The following BABAM2 variants were observed in gnomAD, a reference collection of about 807,000 sequenced individuals.
The protein encoded by BABAM2 is BRISC and BRCA1-A complex member 2.
A neutral mutation model predicts 54.7 loss-of-function variants in BABAM2; 31 were observed. The observed-to-expected ratio is 0.57, with a 90% CI of 0.43 to 0.77. The LOEUF is 0.77. Ranked by LOEUF, BABAM2 falls within the 30% of genes least tolerant of loss-of-function variation. The pLI is 0.00. For missense variants in BABAM2, 364 were observed against 455.8 expected (o/e 0.80, Z 1.83); for synonymous variants, 167 against 162.9 (o/e 1.03, Z -0.19).
chr2:28,081,513 C>A (rs114584581), intron 6 of BABAM2, among the ~76,000 whole-genome samples: 4,469 of 152,240 alleles, frequency 0.029, 215 homozygotes, highest in African/African-American at 0.1. Flanking sequence ...TAGACATCAC[C>A]ACTGAATAAG....
At chr2:27,990,815 A>C (rs1672726989) in intron 4 of BABAM2, among the ~76,000 whole-genome samples, 1 of 152,056 alleles carries the variant, frequency 6.6e-6, no homozygotes, top group Non-Finnish European at 1.5e-5. Context: ...AATATATATA[A>C]TCTTTTATTT....
chr2:28,194,329 G>C (rs1677265401), intron 7 of BABAM2, among the ~76,000 whole-genome samples: 1 of 152,068 alleles, frequency 6.6e-6, no homozygotes, highest in African/African-American at 2.4e-5. Context: ...CCTGCTCTCA[G>C]CTCCCAGAGT....
intron 10 of BABAM2, among the ~76,000 whole-genome samples, chr2:28,247,304 G>A (rs537602236): frequency 2.6e-5 from 4 of 152,218 alleles, no homozygotes; most frequent in Admixed American, 2.0e-4. Flanking sequence ...CTAACTCACA[G>A]CCTGTCTTTA....
chr2:28,281,794 G>A (rs1686384639), intron 10 of BABAM2, among the ~76,000 whole-genome samples: 1 of 152,210 alleles, frequency 6.6e-6, no homozygotes, highest in Non-Finnish European at 1.5e-5. Context: ...CAGCGTTCTT[G>A]TCTGTGAATG....
At chr2:28,203,744 T>C (rs1416292128) in intron 7 of BABAM2, among the ~76,000 whole-genome samples, 1 of 152,222 alleles carries the variant, frequency 6.6e-6, no homozygotes, top group Non-Finnish European at 1.5e-5. Flanking sequence ...CCTTTTACAT[T>C]TAGGTTGTTG....
chr2:28,206,006 T>A (rs139423617), intron 7 of BABAM2, among the ~76,000 whole-genome samples: 1 of 152,190 alleles, frequency 6.6e-6, no homozygotes, highest in East Asian at 1.9e-4. Flanking sequence ...AAGGCTTTCG[T>A]GTAGGACTGA....
chr2:28,087,363 A>G (rs920618040), intron 6 of BABAM2, among the ~76,000 whole-genome samples: 1 of 152,160 alleles, frequency 6.6e-6, no homozygotes, highest in African/African-American at 2.4e-5. Context: ...CAACAGAACA[A>G]ACAGCTATCC....
chr2:28,237,068 C>CAT, intron 7 of BABAM2, 134 bp from the exon 8 acceptor site: 2 of 681,816 alleles, frequency 2.9e-6, no homozygotes, highest in Non-Finnish European at 5.3e-6. Flanking sequence ...AAGTGAAGCC[C>CAT]ATATACCCAT....
intron 10 of BABAM2, among the ~76,000 whole-genome samples, chr2:28,254,708 C>T (rs191951333): frequency 2.3e-4 from 35 of 150,086 alleles, no homozygotes; most frequent in Admixed American, 6.0e-4. Flanking sequence ...GTATCTCTAA[C>T]AGATAAGGAT....
chr2:28,246,456 T>G (rs1389197059), intron 10 of BABAM2, among the ~76,000 whole-genome samples: 2 of 152,188 alleles, frequency 1.3e-5, no homozygotes, highest in Non-Finnish European at 2.9e-5. Context: ...CTCTTGTGAC[T>G]TGGGAAGGTT....
intron 6 of BABAM2, among the ~76,000 whole-genome samples, chr2:28,099,616 C>T (rs1321124342): frequency 1.3e-5 from 2 of 152,058 alleles, no homozygotes; most frequent in Non-Finnish European, 2.9e-5. Context: ...TTATTATAGC[C>T]ATACTCATAA....
chr2:27,916,077 A>G (rs1666945346), intron 2 of BABAM2, among the ~76,000 whole-genome samples: 1 of 152,210 alleles, frequency 6.6e-6, no homozygotes, highest in African/African-American at 2.4e-5. Flanking sequence ...GGTGAGATCA[A>G]AGCTCTGCTA....
At chr2:28,139,111 G>T (rs139839516) in intron 7 of BABAM2, among the ~76,000 whole-genome samples, 2,014 of 152,114 alleles carry the variant, frequency 0.013, 29 homozygotes, top group South Asian at 0.05. Flanking sequence ...TTCTTAATTT[G>T]GAGGAAGTGT....
intron 11 of BABAM2, among the ~76,000 whole-genome samples, chr2:28,336,885 T>A (rs1411197820): frequency 1.3e-5 from 2 of 152,240 alleles, no homozygotes; most frequent in Non-Finnish European, 2.9e-5. Flanking sequence ...AGTTTTCTGT[T>A]CTCTTCTCAC....
chr2:27,994,664 A>G (rs1673012238), intron 4 of BABAM2, among the ~76,000 whole-genome samples: 1 of 152,192 alleles, frequency 6.6e-6, no homozygotes, highest in African/African-American at 2.4e-5. Flanking sequence ...ATAGTATTCT[A>G]TTGTATGAGC....
intron 11 of BABAM2, among the ~76,000 whole-genome samples, chr2:28,319,633 C>T (rs1324486984): frequency 6.6e-6 from 1 of 152,240 alleles, no homozygotes; most frequent in African/African-American, 2.4e-5. Flanking sequence ...AGCAACACTG[C>T]AAGGCAAGTG....
chr2:28,187,007 G>A (rs189631767), intron 7 of BABAM2, among the ~76,000 whole-genome samples: 3 of 152,042 alleles, frequency 2.0e-5, no homozygotes, highest in Non-Finnish European at 2.9e-5. Context: ...GGGTTTCACC[G>A]TGTTAGCTAG....
intron 10 of BABAM2, among the ~76,000 whole-genome samples, chr2:28,277,042 C>T (rs1354736073): frequency 6.6e-6 from 1 of 152,170 alleles, no homozygotes; most frequent in East Asian, 1.9e-4. Context: ...GGCTATCTCC[C>T]TCGTCACTGA....
chr2:28,262,629 G>T (rs1684629790), intron 10 of BABAM2, among the ~76,000 whole-genome samples: 1 of 152,118 alleles, frequency 6.6e-6, no homozygotes, highest in South Asian at 2.1e-4. Flanking sequence ...CTTAGGCAAG[G>T]TTTACTTTAG....
Sources: gnomAD v4.1 joint callset for allele counts (sites outside exome capture counted in the v4.1 genomes callset) on GRCh38, gnomAD v4.1.1 for gene constraint, MANE v1.5 for transcripts, NCBI Gene and HGNC (gene_info 2026-07-23, HGNC 2026-07-21) for gene names.